RILPL1: variants seen among roughly 807,000 people sequenced by gnomAD.
RILPL1 encodes the protein Rab interacting lysosomal protein like 1.
Under a neutral mutation model 50.3 loss-of-function variants are expected in RILPL1, and 33 were observed. The observed-to-expected ratio is 0.66, with a 90% CI of 0.50 to 0.88. RILPL1 has a LOEUF of 0.88. Ranked by LOEUF, RILPL1 falls within the 40% of genes least tolerant of loss-of-function variation. The pLI is 0.00. For missense variants in RILPL1, 418 were observed against 542.5 expected (o/e 0.77, Z 2.28); for synonymous variants, 205 against 228.6 (o/e 0.90, Z 0.93).
At chr12:123,529,238 T>A (rs1885367287) in intron 1 of RILPL1, among the ~76,000 whole-genome samples, 1 of 152,176 alleles carries the variant, frequency 6.6e-6, no homozygotes, top group Non-Finnish European at 1.5e-5. Flanking sequence ...ACTACCACCC[T>A]AGTCAGTCTC....
chr12:123,496,005 CTTT>C (rs896624102), intron 4 of RILPL1, among the ~76,000 whole-genome samples: 2 of 150,080 alleles, frequency 1.3e-5, no homozygotes, highest in African/African-American at 4.9e-5. Context: ...TTAACCACTC[CTTT>C]TTTTTTCTTT....
chr12:123,472,167 A>G lies in RILPL1; in HGVS notation c.*371T>C, dbSNP rs1881231615. 1 of 225,000 alleles carries G rather than the reference A, an allele frequency of 4.4e-6. No homozygotes were observed. Among genetic ancestry groups the G allele is most frequent in the Non-Finnish European group, 8.9e-6 (1 of 111,760 alleles). The allele number at this position is 225,000 out of a possible 1,614,324, so 13.9% of individuals were successfully genotyped here. On this transcript the variant is annotated 3_prime_UTR_variant, in exon 7 of 7. Transcript: ENST00000376874. ...ACCTGTGATAATAAAACCTCTACAC[A>G]TAGCATTTTATACAAAGCAAGTCAA...
rs141128899 is a variant in RILPL1, at chr12:123,475,691, A to C, written c.1068-3009T>G. 213 of 1,593,736 alleles carry C rather than the reference A, an allele frequency of 1.3e-4. No individual in the cohort carries two copies. In the African/African-American group the frequency reaches 2.6e-3, roughly 19 times the overall value. ...GGAAACAAGTCGTCGGACAGGCTGCAGTGTGGGGTCATCTATTATCAGTCC... is the reference window on the plus strand; with the variant it reads ...GGAAACAAGTCGTCGGACAGGCTGCCGTGTGGGGTCATCTATTATCAGTCC... On this transcript the variant is annotated intron_variant, in intron 6 of 6. Coordinates refer to ENST00000376874, the MANE Select transcript of RILPL1 (RefSeq NM_178314.5).
chr12:123,494,628 A>G (rs1350459230), intron 4 of RILPL1, among the ~76,000 whole-genome samples: 1 of 152,150 alleles, frequency 6.6e-6, no homozygotes, highest in East Asian at 1.9e-4. Flanking sequence ...GAAGGGGCAC[A>G]CTAGGAGCAG....
At position 123,485,258 on chromosome 12, in the gene RILPL1, A is replaced by C. The variant is rs1273883283; in HGVS notation, c.974+375T>G. On this transcript the variant is annotated intron_variant, in intron 5 of 6. Coordinates refer to ENST00000376874, the MANE Select transcript of RILPL1 (RefSeq NM_178314.5). The surrounding 1 kb of genome is among the most constrained non-coding windows in gnomAD (Gnocchi z 4.0). ...AGCAAGCATGAGAGTGAACAGGATA[A>C]TGTAGGAGGTGAAAAGGGCCACATA... 1 of 462,640 alleles carries C rather than the reference A, an allele frequency of 2.2e-6. No individual in the cohort carries two copies. The highest frequency in any genetic ancestry group is 1.5e-5 in the South Asian group (1 of 64,618). 28.7% of individuals were successfully genotyped at this position (462,640 alleles called of 1,614,324 possible).
In RILPL1 at chr12:123,498,207, T is replaced by TC. The variant is rs1883152929; in HGVS notation, c.801+336_801+337insG. 6.6e-6 allele frequency among the ~76,000 whole-genome samples: 1 copy of TC among 150,942 alleles called. No individual in the cohort carries two copies. Among genetic ancestry groups the TC allele is most frequent in the Non-Finnish European group, 1.5e-5 (1 of 67,656 alleles). On this transcript the variant is annotated intron_variant, in intron 4 of 6. Transcript: ENST00000376874. The surrounding 1 kb of genome is among the most constrained non-coding windows in gnomAD (Gnocchi z 4.3). Reference sequence around the variant, plus strand: ...TTGTTCTCTCTGAGCCTCTCGTTTTTTCTCTCTCTCTCTCTCTCTTTTTTT... The same window carrying TC: ...TTGTTCTCTCTGAGCCTCTCGTTTTTCTCTCTCTCTCTCTCTCTCTTTTTTT...
At chr12:123,490,050 CCTT>C (rs1882587145) in intron 4 of RILPL1, among the ~76,000 whole-genome samples, 1 of 152,162 alleles carries the variant, frequency 6.6e-6, no homozygotes, top group African/African-American at 2.4e-5. Flanking sequence ...TCCCCTTTCT[CCTT>C]CTCCTGCCTG....
In RILPL1 at chr12:123,472,352, C is replaced by A; in HGVS notation, c.*186G>T. 1 of 594,514 alleles carries A rather than the reference C, an allele frequency of 1.7e-6. No individual in the cohort carries two copies. Among genetic ancestry groups the A allele is most frequent in the South Asian group, 2.3e-5 (1 of 43,514 alleles). 36.8% of individuals were successfully genotyped at this position (594,514 alleles called of 1,614,324 possible). On this transcript the variant is annotated 3_prime_UTR_variant, in exon 7 of 7. Coordinates refer to ENST00000376874, the MANE Select transcript of RILPL1 (RefSeq NM_178314.5). ...AGTGATAGCCCTGGGTATAAATAAA[C>A]ATTTCTTTAGAGTTTGGCGTCAGTT...
intron 2 of RILPL1, among the ~76,000 whole-genome samples, chr12:123,507,664 G>A (rs552647835): frequency 5.3e-5 from 8 of 151,252 alleles, no homozygotes; most frequent in African/African-American, 7.3e-5. Context: ...CAGCTAGGCC[G>A]TGCACGGTGG....
At chr12:123,476,395 C>T (rs979426534) in intron 6 of RILPL1, among the ~76,000 whole-genome samples, 3 of 147,756 alleles carry the variant, frequency 2.0e-5, no homozygotes, top group Admixed American at 6.9e-5. Context: ...GAGCCGAGAT[C>T]GCGCCATTGC....
Position 123,498,837 on chromosome 12 carries a change from A to C in RILPL1, c.580-72T>G. 1 of 1,411,270 alleles carries C rather than the reference A, an allele frequency of 7.1e-7. No individual in the cohort carries two copies. 87.4% of individuals were successfully genotyped at this position (1,411,270 alleles called of 1,614,324 possible). A position where few individuals can be genotyped will look rare whatever the true frequency, so the allele number is the denominator to read the frequency against. The stretch of plus-strand genomic sequence containing the variant: ...CTCAGGTTGTACACTGCACAACGGC[A>C]AACCATCCATAGGTGTGCCATTTAC... On this transcript the variant is annotated intron_variant, in intron 3 of 6. Transcript: ENST00000376874. The surrounding 1 kb of genome is among the most constrained non-coding windows in gnomAD (Gnocchi z 4.3).
In RILPL1 at chr12:123,518,500, C is replaced by CA. The variant is rs60479214; in HGVS notation, c.460+4994dup. The CA allele has an allele frequency of 8.6e-3, 707 of 82,616 alleles. 2 individuals are homozygous for CA. The highest frequency in any genetic ancestry group is 0.012 in the African/African-American group (302 of 25,938). 5.1% of individuals were successfully genotyped at this position (82,616 alleles called of 1,614,324 possible). On this transcript the variant is annotated intron_variant, in intron 2 of 6. Coordinates refer to ENST00000376874, the MANE Select transcript of RILPL1 (RefSeq NM_178314.5). ...CCAGCGTTGAAGACAGAGACCTGTCCAAAAAAAAAAAAAAAGGGAGAATGG... is the reference window on the plus strand; with the variant it reads ...CCAGCGTTGAAGACAGAGACCTGTCCAAAAAAAAAAAAAAAAGGGAGAATGG...
intron 2 of RILPL1, among the ~76,000 whole-genome samples, chr12:123,506,931 C>T (rs1283560960): frequency 3.3e-5 from 5 of 152,214 alleles, no homozygotes; most frequent in Non-Finnish European, 7.4e-5. Flanking sequence ...AGGCAGAGAG[C>T]TCCACAAAAG....
intron 1 of RILPL1, among the ~76,000 whole-genome samples, chr12:123,525,699 T>TC (rs1566146892): frequency 4.8e-4 from 4 of 8,332 alleles, no homozygotes; most frequent in African/African-American, 2.3e-3. Flanking sequence ...AGACACTGTC[T>TC]CAAAAAAAAA....
intron 4 of RILPL1, among the ~76,000 whole-genome samples, chr12:123,486,202 G>A (rs549194678): frequency 6.6e-6 from 1 of 152,288 alleles, no homozygotes; most frequent in South Asian, 2.1e-4. Context: ...TTTGGCCAGA[G>A]TGGCTGGAAT....
intron 2 of RILPL1, among the ~76,000 whole-genome samples, chr12:123,520,473 C>T (rs1884959414): frequency 6.6e-6 from 1 of 152,140 alleles, no homozygotes; most frequent in African/African-American, 2.4e-5. Flanking sequence ...GCAGGAGGAT[C>T]ACTTGAACCT....
At chr12:123,527,662 CA>C (rs964398857) in intron 1 of RILPL1, among the ~76,000 whole-genome samples, 18 of 151,322 alleles carry the variant, frequency 1.2e-4, no homozygotes, top group African/African-American at 3.4e-4. Context: ...AACTGTGTCT[CA>C]AAAAAAAGAG....
At chr12:123,495,516 A>C (rs563978734) in intron 4 of RILPL1, among the ~76,000 whole-genome samples, 22 of 150,600 alleles carry the variant, frequency 1.5e-4, no homozygotes, top group African/African-American at 5.1e-4. Context: ...CTGGGACTAC[A>C]GGTGTCCACC....
At chr12:123,499,559 C>T (rs753829709) in intron 2 of RILPL1, 23 bp from the exon 3 acceptor site, 2 of 1,548,560 alleles carry the variant, frequency 1.3e-6, no homozygotes, top group Admixed American at 3.3e-5. Context: ...GTGAGACCGG[C>T]AGGTGAGCCC....
Sources: gnomAD v4.1 joint callset for allele counts (sites outside exome capture counted in the v4.1 genomes callset) on GRCh38, gnomAD v4.1.1 for gene constraint, Gnocchi (gnomAD v3.1) non-coding constraint, MANE v1.5 for transcripts, NCBI Gene and HGNC (gene_info 2026-07-23, HGNC 2026-07-21) for gene names.